ZMYND8: variants seen among roughly 807,000 people sequenced by gnomAD.
The protein encoded by ZMYND8 is zinc finger MYND-type containing 8, also known as MYND-type zinc finger-containing chromatin reader ZMYND8.
In ZMYND8, 37 loss-of-function variants were observed where a neutral mutation model predicts 140.8. The observed-to-expected ratio is 0.26, with a 90% CI of 0.20 to 0.35. The LOEUF (loss-of-function observed/expected upper bound fraction) is 0.35. Among genes scored for constraint, ZMYND8 ranks in the 10% least tolerant of loss-of-function variants. The pLI is 1.00. For synonymous variants in ZMYND8, 592 were observed against 597.1 expected, an observed-to-expected ratio of 0.99 and a Z score of 0.12; for missense variants, 1,068 against 1,570.0, an observed-to-expected ratio of 0.68 and a Z score of 5.40.
chr20:47,212,364 A>G (rs1050863649), intron 22 of ZMYND8, among the ~76,000 whole-genome samples: 1 of 152,234 alleles, frequency 6.6e-6, no homozygotes, highest in African/African-American at 2.4e-5. Context: ...CAATCACCAC[A>G]GGAGGGAATC....
Position 47,227,186 on chromosome 20 carries a change from A to G in ZMYND8, c.3016+17T>C. 1.2e-6 allele frequency: 2 copies of G among 1,614,018 alleles called. No individual in the cohort carries two copies. Among genetic ancestry groups the G allele is most frequent in the East Asian group, 2.2e-5 (1 of 44,894 alleles). On this transcript the variant is annotated intron_variant, in intron 18 of 22. Coordinates refer to ENST00000471951, the MANE Select transcript of ZMYND8 (RefSeq NM_001281775.3). ...CCCAAAACCCTCCTCAGTCCAGACC[A>G]GTGTGTCAGGCCTTACCTAAGTTGT... is the stretch of plus-strand genomic sequence containing the variant.
intron 18 of ZMYND8, among the ~76,000 whole-genome samples, chr20:47,225,598 G>GGAGGGGAATGA (rs2037597983): frequency 3.0e-3 from 131 of 43,382 alleles, no homozygotes; most frequent in East Asian, 7.0e-3. Flanking sequence ...GAAGGGGAAG[G>GGAGGGGAATGA]AGGGGATGGG....
chr20:47,305,434 T>C (rs2078406286), intron 3 of ZMYND8, among the ~76,000 whole-genome samples: 1 of 151,722 alleles, frequency 6.6e-6, no homozygotes, highest in Non-Finnish European at 1.5e-5. Flanking sequence ...AGAGATGAGG[T>C]TTCACCATGT....
At position 47,347,901 on chromosome 20, in the gene ZMYND8, C is replaced by G. The variant is rs943363077; in HGVS notation, c.40G>C (p.Glu14Gln). Residue 14 changes from glutamate to glutamine, a missense_variant, in exon 2 of 23, where the codon GAA becomes CAA. Glu to Gln is a conservative substitution (Grantham distance 29, BLOSUM62 2). Coordinates refer to ENST00000471951, the MANE Select transcript of ZMYND8 (RefSeq NM_001281775.3). ...TCCATGCCCTCTACCACCTCCTGTTCTGTTTTTATTTCCTCTTCAGCCAAG... is the reference window on the plus strand; with the variant it reads ...TCCATGCCCTCTACCACCTCCTGTTGTGTTTTTATTTCCTCTTCAGCCAAG... ...QSLAEEEIKT[E>Q]QEVVEGMDIS... 1.2e-6 allele frequency: 2 copies of G among 1,613,998 alleles called. No individual in the cohort carries two copies. The highest frequency in any genetic ancestry group is 1.7e-6 in the Non-Finnish European group (2 of 1,180,028).
intron 2 of ZMYND8, among the ~76,000 whole-genome samples, chr20:47,338,340 C>T (rs959995017): frequency 6.6e-6 from 1 of 152,072 alleles, no homozygotes; most frequent in African/African-American, 2.4e-5. Context: ...CAGTCCATCC[C>T]TTTCCTGCTC....
At chr20:47,315,849 A>G (rs1260077759) in intron 2 of ZMYND8, among the ~76,000 whole-genome samples, 5 of 151,988 alleles carry the variant, frequency 3.3e-5, no homozygotes, top group African/African-American at 1.2e-4. Context: ...TCTGCCTCTC[A>G]CCCATCCCCC....
chr20:47,318,517 A>G (rs773958403), intron 2 of ZMYND8: 11 of 356,698 alleles, frequency 3.1e-5, no homozygotes, highest in Non-Finnish European at 5.5e-5. Context: ...GAAGTAAGAA[A>G]TCAGGAGCAA....
At chr20:47,212,868 C>A in intron 21 of ZMYND8, 143 bp from the exon 22 acceptor site, 1 of 691,406 alleles carries the variant, frequency 1.4e-6, no homozygotes, top group South Asian at 1.9e-5. Flanking sequence ...CATTGTCCAA[C>A]TTTAATGCAA....
Position 47,236,428 on chromosome 20 carries a change from G to C in ZMYND8, c.2754C>G (p.Ser918Arg). 1 of 1,614,160 alleles carries C rather than the reference G, an allele frequency of 6.2e-7. No individual in the cohort carries two copies. The highest frequency in any genetic ancestry group is 2.2e-5 in the East Asian group (1 of 44,886). The part of the protein sequence containing the change: ...TSTQSSPLVT[S>R]SGSMSTLVSS... ...ACACAAGGGTGCTCATGGACCCCGA[G>C]CTGGTGACCAGGGGCGATGACTGTG... The change falls in exon 16 of 23, where the codon AGC (serine) becomes AGG (arginine). Residue 918 changes from serine to arginine, a missense_variant. By Grantham distance (110) the Ser-to-Arg change is moderately radical. This residue lies in a region of ZMYND8 where 383 missense variants were observed against 431.2 expected (regional missense o/e 0.89). Transcript: ENST00000471951.
At chr20:47,272,429 C>T (rs980383178) in intron 11 of ZMYND8, among the ~76,000 whole-genome samples, 7 of 152,178 alleles carry the variant, frequency 4.6e-5, no homozygotes, top group African/African-American at 1.7e-4. Context: ...GACCAAAGGA[C>T]CATTAGCCCA....
intron 3 of ZMYND8, among the ~76,000 whole-genome samples, chr20:47,303,901 C>G (rs1334508068): frequency 6.6e-6 from 1 of 152,326 alleles, no homozygotes; most frequent in East Asian, 1.9e-4. Context: ...GCTCTGTACT[C>G]TTTTCAGAAG....
chr20:47,247,923 G>C (rs2040762075), intron 13 of ZMYND8, among the ~76,000 whole-genome samples: 1 of 152,180 alleles, frequency 6.6e-6, no homozygotes, highest in South Asian at 2.1e-4. Flanking sequence ...GCTAGCCAGG[G>C]CAACACAGGA....
intron 9 of ZMYND8, 79 bp downstream of exon 9, chr20:47,283,492 C>T: frequency 6.8e-7 from 1 of 1,467,838 alleles, no homozygotes; most frequent in Non-Finnish European, 9.5e-7. Context: ...TAATAAGCCA[C>T]CTGGAAAAAG....
chr20:47,336,029 TG>T (rs1374379261), intron 2 of ZMYND8, among the ~76,000 whole-genome samples: 1 of 152,232 alleles, frequency 6.6e-6, no homozygotes, highest in Non-Finnish European at 1.5e-5. Flanking sequence ...GCTCATTTTT[TG>T]AAAGAAAAAT....
At chr20:47,286,312 A>G (rs1296928796) in intron 8 of ZMYND8, among the ~76,000 whole-genome samples, 2 of 151,764 alleles carry the variant, frequency 1.3e-5, no homozygotes, top group African/African-American at 4.8e-5. Flanking sequence ...CAGTTTAGCT[A>G]GGATTACAGG....
At chr20:47,303,186 G>T (rs1212492371) in intron 3 of ZMYND8, among the ~76,000 whole-genome samples, 1 of 152,072 alleles carries the variant, frequency 6.6e-6, no homozygotes, top group African/African-American at 2.4e-5. Context: ...AGAGGAGATG[G>T]GTGAGGAGCA....
In ZMYND8 at chr20:47,221,324, T is replaced by C; in HGVS notation, c.3407A>G (p.Glu1136Gly). 6.2e-7 allele frequency: 1 copy of C among 1,614,152 alleles called. No homozygotes were observed. The highest frequency in any genetic ancestry group is 8.5e-7 in the Non-Finnish European group (1 of 1,180,024). The change falls in exon 20 of 23, where the codon GAG becomes GGG. Residue 1136 changes from glutamate (E) to glycine (G), a missense_variant. By Grantham distance (98) the Glu-to-Gly change is moderately conservative. Around this residue, in one of 10 missense-constraint regions of ZMYND8, gnomAD observed 180 missense variants for 187.8 expected, o/e 0.96. Coordinates refer to ENST00000471951, the MANE Select transcript of ZMYND8 (RefSeq NM_001281775.3). ...TGGGGGGATCCTCACCGAGCCACTC[T>C]CCTTGCTTTTCTCAGCTGACGTCTC... ...EKETSAEKSK[E>G]SGSTLDLSGS... is the part of the protein sequence containing the mutation.
intron 1 of ZMYND8, 21 bp from the exon 2 acceptor site, chr20:47,347,947 T>G: frequency 6.2e-7 from 1 of 1,613,110 alleles, no homozygotes; most frequent in South Asian, 1.1e-5. Flanking sequence ...GCAAATTATG[T>G]TCATGTTTAG....
chr20:47,320,047 C>A (rs966763649), intron 2 of ZMYND8: 6 of 152,340 alleles, frequency 3.9e-5, no homozygotes, highest in Admixed American at 3.9e-4. Flanking sequence ...CAGCCCCTGC[C>A]TGGCTTGGGT....
Sources: gnomAD v4.1 joint callset for allele counts (sites outside exome capture counted in the v4.1 genomes callset) on GRCh38, gnomAD v4.1.1 for gene constraint, gnomAD v4.1.1 regional missense constraint, MANE v1.5 for transcripts, NCBI Gene and HGNC (gene_info 2026-07-23, HGNC 2026-07-21) for gene names.